PALM2AKAP2: variants seen among roughly 807,000 people sequenced by gnomAD.
PALM2AKAP2 encodes the protein PALM2 and AKAP2 fusion, also known as PALM2-AKAP2 fusion protein.
A neutral mutation model predicts 71.5 loss-of-function variants in PALM2AKAP2; 37 were observed. That is an observed-to-expected ratio of 0.52 (90% CI 0.40 to 0.68). PALM2AKAP2 has a LOEUF of 0.68. PALM2AKAP2 is among the 30% of genes least tolerant of loss of function. The pLI is 0.00. For synonymous variants in PALM2AKAP2, 468 were observed against 478.8 expected, an observed-to-expected ratio of 0.98 and a Z score of 0.29; for missense variants, 1,224 against 1,191.8, an observed-to-expected ratio of 1.03 and a Z score of -0.40.
At chr9:109,689,550 T>G (rs1827852452) in intron 1 of PALM2AKAP2, among the ~76,000 whole-genome samples, 1 of 152,160 alleles carries the variant, frequency 6.6e-6, no homozygotes, top group South Asian at 2.1e-4. Flanking sequence ...GTGAGATGGG[T>G]GTGATATATA....
chr9:110,014,546 G>A (rs2132333714), intron 6 of PALM2AKAP2, among the ~76,000 whole-genome samples: 1 of 151,852 alleles, frequency 6.6e-6, no homozygotes, highest in Middle Eastern at 3.4e-3. Flanking sequence ...GCTGAAGTGG[G>A]CACATCACGT....
intron 6 of PALM2AKAP2, among the ~76,000 whole-genome samples, chr9:110,000,425 G>A (rs565498391): frequency 1.3e-5 from 2 of 152,172 alleles, no homozygotes; most frequent in African/African-American, 4.8e-5. Flanking sequence ...TTCGACATTT[G>A]GGTTGGTTCC....
intron 1 of PALM2AKAP2, among the ~76,000 whole-genome samples, chr9:109,716,152 A>T (rs1828316385): frequency 6.6e-6 from 1 of 152,208 alleles, no homozygotes; most frequent in Non-Finnish European, 1.5e-5. Flanking sequence ...TGGAAAAATA[A>T]AAAGTTTAAT....
At chr9:109,776,916 A>T (rs2118778926), upstream of PALM2AKAP2, among the ~76,000 whole-genome samples, 1 of 152,330 alleles carries the variant, frequency 6.6e-6, no homozygotes, top group Middle Eastern at 3.4e-3. Flanking sequence ...ACTATTGGTC[A>T]TGAGTCTTTA....
intron 1 of PALM2AKAP2, chr9:110,048,969 A>T: frequency 7.5e-7 from 1 of 1,339,108 alleles, no homozygotes; most frequent in Non-Finnish European, 9.7e-7. Flanking sequence ...CCTCGGAAGC[A>T]CCGCGGGCTT....
At chr9:110,105,116 G>T (rs1433437524) in intron 1 of PALM2AKAP2, among the ~76,000 whole-genome samples, 1 of 152,208 alleles carries the variant, frequency 6.6e-6, no homozygotes, top group East Asian at 1.9e-4. Flanking sequence ...GTTAATTCAG[G>T]CAGAGCTCTG....
chr9:110,161,966 G>A, intron 3 of PALM2AKAP2, 128 bp from the exon 10 acceptor site: 3 of 1,260,904 alleles, frequency 2.4e-6, no homozygotes, highest in Non-Finnish European at 3.4e-6. Flanking sequence ...TGGCATGGGT[G>A]TAGAATGGCC....
chr9:110,048,843 C>G, exon 1 of PALM2AKAP2: 1 of 1,527,520 alleles, frequency 6.5e-7, no homozygotes, highest in Non-Finnish European at 8.7e-7. Flanking sequence ...CCCCCGGGAG[C>G]GGGCGCCCAG....
At chr9:109,831,621 A>G (rs1828303534) in intron 1 of PALM2AKAP2, among the ~76,000 whole-genome samples, 1 of 152,178 alleles carries the variant, frequency 6.6e-6, no homozygotes, top group Admixed American at 6.5e-5. Flanking sequence ...CAAACTAGTG[A>G]CAGATGCAGT....
intron 1 of PALM2AKAP2, among the ~76,000 whole-genome samples, chr9:109,818,676 A>G (rs918231616): frequency 4.4e-4 from 67 of 152,118 alleles, no homozygotes; most frequent in East Asian, 3.8e-4. Flanking sequence ...CCCAGGCTGA[A>G]CTCAAACTCC....
At chr9:109,991,463 TC>T (rs1035238450) in intron 6 of PALM2AKAP2, among the ~76,000 whole-genome samples, 3 of 152,026 alleles carry the variant, frequency 2.0e-5, no homozygotes, top group African/African-American at 7.2e-5. Flanking sequence ...GGTCTAGAAC[TC>T]CTGGACTCAA....
chr9:109,845,967 C>T (rs1454297541), intron 1 of PALM2AKAP2, among the ~76,000 whole-genome samples: 1 of 152,134 alleles, frequency 6.6e-6, no homozygotes, highest in Non-Finnish European at 1.5e-5. Context: ...TGGATAAAAA[C>T]CAGCAAGATC....
intron 6 of PALM2AKAP2, among the ~76,000 whole-genome samples, chr9:109,984,960 A>C (rs1410763194): frequency 1.3e-5 from 2 of 152,146 alleles, no homozygotes; most frequent in African/African-American, 4.8e-5. Flanking sequence ...GGATCACCTG[A>C]GGTCAGGAGG....
chr9:109,657,498 T>C (rs1827324501), intron 1 of PALM2AKAP2, among the ~76,000 whole-genome samples: 1 of 137,062 alleles, frequency 7.3e-6, no homozygotes, highest in African/African-American at 2.9e-5. Flanking sequence ...TGGAGGGTCT[T>C]GGGAGCAGGG....
At chr9:109,939,194 C>T (rs998318358) in intron 6 of PALM2AKAP2, among the ~76,000 whole-genome samples, 1 of 152,160 alleles carries the variant, frequency 6.6e-6, no homozygotes, top group African/African-American at 2.4e-5. Context: ...ACAGTTTTTA[C>T]TCTCTTTCCC....
chr9:109,899,355 C>G (rs946982381), intron 3 of PALM2AKAP2, among the ~76,000 whole-genome samples: 2 of 152,124 alleles, frequency 1.3e-5, no homozygotes, highest in Admixed American at 6.5e-5. Context: ...TAAAAGGATT[C>G]TTGATTCCTT....
chr9:110,030,257 G>A (rs1833256916), intron 7 of PALM2AKAP2, among the ~76,000 whole-genome samples: 1 of 152,202 alleles, frequency 6.6e-6, no homozygotes, highest in Non-Finnish European at 1.5e-5. Flanking sequence ...AGTGACCTGG[G>A]ACAAAGTCTG....
chr9:110,005,795 G>C (rs144286195), intron 6 of PALM2AKAP2, among the ~76,000 whole-genome samples: 2,813 of 152,306 alleles, frequency 0.018, 97 homozygotes, highest in African/African-American at 0.064. Flanking sequence ...AGCAATGAGC[G>C]AGGCTCTGTG....
intron 1 of PALM2AKAP2, among the ~76,000 whole-genome samples, chr9:110,103,883 A>G (rs957391998): frequency 6.6e-6 from 1 of 152,176 alleles, no homozygotes; most frequent in African/African-American, 2.4e-5. Context: ...AAGATCCTTC[A>G]TATCTATCTG....
Sources: allele counts gnomAD v4.1 joint callset (sites outside exome capture counted in the v4.1 genomes callset), GRCh38; gene constraint gnomAD v4.1.1; transcripts MANE v1.5; gene names NCBI Gene and HGNC (gene_info 2026-07-23, HGNC 2026-07-21).